NUMBL: variants seen among roughly 807,000 people sequenced by gnomAD.
The protein encoded by NUMBL is NUMB like endocytic adaptor protein, also known as numb-like protein.
Under a neutral mutation model 48.9 loss-of-function variants are expected in NUMBL, and 20 were observed. The ratio of observed to expected loss-of-function variants is 0.41; its 90% CI spans 0.29 to 0.59. The LOEUF (loss-of-function observed/expected upper bound fraction) is 0.59. Among genes scored for constraint, NUMBL ranks in the 20% least tolerant of loss-of-function variants. The probability of loss-of-function intolerance (pLI) is 0.31; values close to 1 mark genes in which losing one functional copy is unlikely to be tolerated. For missense variants in NUMBL, 660 were observed against 846.2 expected (o/e 0.78, Z 2.73); for synonymous variants, 340 against 348.7 (o/e 0.98, Z 0.28).
chr19:40,684,258 C>T (rs975431274), intron 3 of NUMBL, 159 bp downstream of exon 3: 10 of 725,594 alleles, frequency 1.4e-5, no homozygotes, highest in Non-Finnish European at 1.9e-5. Context: ...CTAGTAGAGC[C>T]GGGGTTTCAC....
In NUMBL at chr19:40,684,391, CGCCGCACCCT is replaced by C. The variant is rs773962793; in HGVS notation, c.249+16_249+25del. ...ACAGCGGCCCCCGTCCCCCTCGCCC[CGCCGCACCCT>C]GCCGCGCCCACTCACCCTGACCGGG... On this transcript the variant is annotated intron_variant, in intron 3 of 9. Coordinates refer to ENST00000252891, the MANE Select transcript of NUMBL (RefSeq NM_004756.5). 28 of 1,540,990 alleles carry C rather than the reference CGCCGCACCCT, an allele frequency of 1.8e-5. No individual in the cohort carries two copies. In the South Asian group the frequency reaches 2.0e-4, roughly 11 times the overall value.
In NUMBL at chr19:40,688,382, A is replaced by G. The variant is rs1192455755; in HGVS notation, c.25-1387T>C. On this transcript the variant is annotated intron_variant, in intron 1 of 9. Coordinates refer to ENST00000252891, the MANE Select transcript of NUMBL (RefSeq NM_004756.5). This position sits in a 1 kb window ranked among gnomAD's most constrained non-coding sequence, Gnocchi z 4.6. ...CATAGAGACATAAGCACACAGTTTT[A>G]GTTTCCCATGTCACAAGTACACAGT... 6.6e-6 allele frequency among the ~76,000 whole-genome samples: 1 copy of G among 152,238 alleles called. No homozygotes were observed. The highest frequency in any genetic ancestry group is 1.5e-5 in the Non-Finnish European group (1 of 68,036).
chr19:40,681,009 C>T lies in NUMBL; in HGVS notation c.448G>A (p.Asp150Asn). The T allele has an allele frequency of 1.2e-6, 2 of 1,614,168 alleles. No individual in the cohort carries two copies. Among genetic ancestry groups the T allele is most frequent in the Non-Finnish European group, 1.7e-6 (2 of 1,180,028 alleles). Residue 150 changes from aspartate to asparagine, a missense_variant, in exon 6 of 10, where the codon GAC becomes AAC. Transcript: ENST00000252891. ...TIEKVSFCAPDRNLDKAFSYI... is the reference protein window; with the variant it reads ...TIEKVSFCAPNRNLDKAFSYI... Reference sequence around the variant, plus strand: ...GAGAAAGCCTTGTCCAGGTTGCGGTCAGGAGCACAAAAGGAGACCTTTTCG... The same window carrying T: ...GAGAAAGCCTTGTCCAGGTTGCGGTTAGGAGCACAAAAGGAGACCTTTTCG...
intron 2 of NUMBL, among the ~76,000 whole-genome samples, chr19:40,686,705 T>TTGAGTGTGAGTGTTTGAG (rs59474513): frequency 2.0e-5 from 3 of 151,498 alleles, no homozygotes; most frequent in Non-Finnish European, 4.4e-5. Flanking sequence ...ATGTGAGTGT[T>TTGAGTGTGAGTGTTTGAG]TGTGACTCTG....
At chr19:40,690,166 G>A (rs1011413270) in intron 1 of NUMBL, 3 of 313,114 alleles carry the variant, frequency 9.6e-6, no homozygotes, top group African/African-American at 4.4e-5. Context: ...TCCCCATCTA[G>A]TTCTAGGAGT....
Position 40,666,606 on chromosome 19 carries a change from C to G in NUMBL, c.*862G>C, listed in dbSNP as rs1361728854. The stretch of plus-strand genomic sequence containing the variant: ...TTATCACTCAGGGACATCCTTCTGA[C>G]TCTGTTTCAGTCCATGACTCAGGAG... On this transcript the variant is annotated 3_prime_UTR_variant, in exon 10 of 10. Transcript: ENST00000252891. The G allele has an allele frequency of 1.3e-5, 2 of 152,598 alleles. No individual in the cohort carries two copies. Among genetic ancestry groups the G allele is most frequent in the African/African-American group, 4.8e-5 (2 of 41,424 alleles). 9.5% of individuals were successfully genotyped at this position (152,598 alleles called of 1,614,324 possible). A position where few individuals can be genotyped will look rare whatever the true frequency, so the allele number is the denominator to read the frequency against.
chr19:40,677,827 G>A (rs2081885504), intron 6 of NUMBL, among the ~76,000 whole-genome samples: 1 of 152,106 alleles, frequency 6.6e-6, no homozygotes, highest in Non-Finnish European at 1.5e-5. Flanking sequence ...CAGCTTGGGT[G>A]ACAGAGTGAG....
At chr19:40,676,032 T>A (rs2081874450) in intron 7 of NUMBL, among the ~76,000 whole-genome samples, 1 of 152,046 alleles carries the variant, frequency 6.6e-6, no homozygotes, top group Non-Finnish European at 1.5e-5. Context: ...GCCTGGCTAA[T>A]TTTTTAATGA....
At chr19:40,677,752 G>GCGGGAGGTTCCCTTGAGCC (rs1269714184) in intron 6 of NUMBL, among the ~76,000 whole-genome samples, 1 of 152,166 alleles carries the variant, frequency 6.6e-6, no homozygotes, top group Non-Finnish European at 1.5e-5. Context: ...GGAGGCTGAG[G>GCGGGAGGTTCCCTTGAGCC]CGGGAGGTTC....
Position 40,674,856 on chromosome 19 carries a change from T to C in NUMBL, c.731-1207A>G, listed in dbSNP as rs147447704. Among the ~76,000 whole-genome samples, 51 of 152,224 alleles carry C rather than the reference T, an allele frequency of 3.4e-4. No individual in the cohort carries two copies. The East Asian group carries it at 8.7e-3, about 26-fold the overall frequency. Reference sequence around the variant, plus strand: ...AATGTTTTGGAATCCAACAAAAGCATGCCTGGACACAGTGGTTCACGCCTG... The same window carrying C: ...AATGTTTTGGAATCCAACAAAAGCACGCCTGGACACAGTGGTTCACGCCTG... On this transcript the variant is annotated intron_variant, in intron 7 of 9. Coordinates refer to ENST00000252891, the MANE Select transcript of NUMBL (RefSeq NM_004756.5).
At chr19:40,668,811 A>G (rs1321486736) in intron 9 of NUMBL, among the ~76,000 whole-genome samples, 1 of 152,146 alleles carries the variant, frequency 6.6e-6, no homozygotes, top group Non-Finnish European at 1.5e-5. Context: ...TTCAGAATGT[A>G]TTGTTTTAGG....
At position 40,690,522 on chromosome 19, in the gene NUMBL, G is replaced by A; in HGVS notation, c.-39C>T. 1 of 1,227,574 alleles carries A rather than the reference G, an allele frequency of 8.1e-7. No homozygotes were observed. Among genetic ancestry groups the A allele is most frequent in the Non-Finnish European group, 1.0e-6 (1 of 980,158 alleles). The allele number at this position is 1,227,574 out of a possible 1,614,324, so 76.0% of individuals were successfully genotyped here. Reference sequence around the variant, plus strand: ...GCCCCCGCCTCCCGCGGCCCTGGCTGGGCCTGGCTCCCCGACTGCTGCTGC... The same window carrying A: ...GCCCCCGCCTCCCGCGGCCCTGGCTAGGCCTGGCTCCCCGACTGCTGCTGC... On this transcript the variant is annotated 5_prime_UTR_variant, in exon 1 of 10. Transcript: ENST00000252891.
chr19:40,667,350 G>C lies in NUMBL; in HGVS notation c.*118C>G. On this transcript the variant is annotated 3_prime_UTR_variant, in exon 10 of 10. Coordinates refer to ENST00000252891, the MANE Select transcript of NUMBL (RefSeq NM_004756.5). The surrounding 1 kb of genome is among the most constrained non-coding windows in gnomAD (Gnocchi z 6.1). ...GGTTGTCGGGGTGGTTGAGGGAGGG[G>C]GGTGTTGAGAGGGTGTTGAGGGGCG... 1.5e-6 allele frequency: 2 copies of C among 1,376,732 alleles called. No individual in the cohort carries two copies. Among genetic ancestry groups the C allele is most frequent in the Non-Finnish European group, 9.7e-7 (1 of 1,029,774 alleles). The allele number at this position is 1,376,732 out of a possible 1,614,324, so 85.3% of individuals were successfully genotyped here.
chr19:40,690,254 G>T, intron 1 of NUMBL: 1 of 370,134 alleles, frequency 2.7e-6, no homozygotes, highest in Non-Finnish European at 4.8e-6. Context: ...CAGGGCCTTG[G>T]CAAGAGATGG....
At chr19:40,684,730 T>G in intron 2 of NUMBL, 174 bp from the exon 3 acceptor site, 3 of 898,122 alleles carry the variant, frequency 3.3e-6, no homozygotes, top group Non-Finnish European at 4.8e-6. Flanking sequence ...CAGGGGACAG[T>G]GAGGAAAGGA....
intron 2 of NUMBL, 173 bp from the exon 3 acceptor site, chr19:40,684,729 G>C (rs1457808404): frequency 1.1e-6 from 1 of 911,998 alleles, no homozygotes; most frequent in Non-Finnish European, 1.6e-6. Context: ...TCAGGGGACA[G>C]TGAGGAAAGG....
chr19:40,673,254 A>G lies in NUMBL; in HGVS notation c.1036+90T>C. ...CCATGGCAGACAGTGCAAATCAATC[A>G]CAGTGTGAACCATCTCGCCTCCATC... On this transcript the variant is annotated intron_variant, in intron 8 of 9. Coordinates refer to ENST00000252891, the MANE Select transcript of NUMBL (RefSeq NM_004756.5). The surrounding 1 kb of genome is among the most constrained non-coding windows in gnomAD (Gnocchi z 5.9). 1 of 1,311,152 alleles carries G rather than the reference A, an allele frequency of 7.6e-7. No homozygotes were observed. The highest frequency in any genetic ancestry group is 2.6e-5 in the Admixed American group (1 of 38,130). 81.2% of individuals were successfully genotyped at this position (1,311,152 alleles called of 1,614,324 possible).
rs534461454 is a variant in NUMBL, at chr19:40,669,079, C to T, written c.1159+819G>A. ...CCAAGATTCTAGCATGAGCACATGC[C>T]TCTGAGGTGACCCCGTGGCTCTACA... On this transcript the variant is annotated intron_variant, in intron 9 of 9. Coordinates refer to ENST00000252891, the MANE Select transcript of NUMBL (RefSeq NM_004756.5). Among the ~76,000 whole-genome samples the T allele has an allele frequency of 2.0e-5, 3 of 152,146 alleles. No homozygotes were observed. The South Asian group carries it at 6.2e-4, about 32-fold the overall frequency.
At chr19:40,685,869 T>G (rs900820778) in intron 2 of NUMBL, 2 of 153,056 alleles carry the variant, frequency 1.3e-5, no homozygotes, top group Non-Finnish European at 2.9e-5. Context: ...AGTGTGGGTG[T>G]GTGGGTATTG....
Sources: gnomAD v4.1 joint callset for allele counts (sites outside exome capture counted in the v4.1 genomes callset) on GRCh38, gnomAD v4.1.1 for gene constraint, Gnocchi (gnomAD v3.1) non-coding constraint, MANE v1.5 for transcripts, NCBI Gene and HGNC (gene_info 2026-07-23, HGNC 2026-07-21) for gene names.